Variants in RAB3GAP1 observed in about 807,000 individuals in gnomAD.
RAB3GAP1 encodes RAB3 GTPase activating protein catalytic subunit 1.
A neutral mutation model predicts 130.7 loss-of-function variants in RAB3GAP1; 86 were observed. The observed-to-expected ratio is 0.66, with a 90% CI of 0.55 to 0.79. The LOEUF (loss-of-function observed/expected upper bound fraction) is 0.79. RAB3GAP1 is among the 30% of genes least tolerant of loss of function. The pLI is 0.00. For missense variants in RAB3GAP1, 1,029 were observed against 1,169.4 expected, an observed-to-expected ratio of 0.88 and a Z score of 1.75; for synonymous variants, 367 against 401.7, an observed-to-expected ratio of 0.91 and a Z score of 1.03.
chr2:135,080,116 C>CAAAAA (rs764426198), intron 3 of RAB3GAP1, among the ~76,000 whole-genome samples: 43 of 73,276 alleles, frequency 5.9e-4, no homozygotes, highest in Non-Finnish European at 8.7e-4. Flanking sequence ...GACTCCGTCT[C>CAAAAA]AAAAAAAAAA....
intron 19 of RAB3GAP1, among the ~76,000 whole-genome samples, chr2:135,162,056 T>TA (rs1692479863): frequency 1.3e-5 from 2 of 152,176 alleles, no homozygotes; most frequent in South Asian, 4.1e-4. Flanking sequence ...GTTTTGTACA[T>TA]ACTTCTCTGT....
chr2:135,126,510 T>C, intron 10 of RAB3GAP1, 73 bp from the exon 11 acceptor site: 1 of 1,359,320 alleles, frequency 7.4e-7, no homozygotes, highest in Non-Finnish European at 1.1e-6. Flanking sequence ...TTCATTAGAC[T>C]GCATTTTAAT....
intron 3 of RAB3GAP1, among the ~76,000 whole-genome samples, chr2:135,068,538 A>G (rs1689385349): frequency 6.6e-6 from 1 of 152,084 alleles, no homozygotes; most frequent in African/African-American, 2.4e-5. Flanking sequence ...AGATCACCTG[A>G]GTTCAGGAGG....
At chr2:135,128,644 C>T (rs551976143) in intron 11 of RAB3GAP1, among the ~76,000 whole-genome samples, 1 of 152,284 alleles carries the variant, frequency 6.6e-6, no homozygotes, top group South Asian at 2.1e-4. Flanking sequence ...TACCCTACCT[C>T]TTTTAATATT....
At chr2:135,133,798 T>C in intron 14 of RAB3GAP1, 63 bp from the exon 15 acceptor site, 1 of 1,451,688 alleles carries the variant, frequency 6.9e-7, no homozygotes, top group Non-Finnish European at 9.6e-7. Context: ...TACGACCTTT[T>C]CAGTTATATG....
rs574128263 is a variant in RAB3GAP1 at position 135,094,885 on chromosome 2, T to G, written c.362+1192T>G. On this transcript the variant is annotated intron_variant, in intron 5 of 23. Transcript: ENST00000264158. ...TGTAAATGACAGGATTTCATTCTTT[T>G]TTATGGCTGAATAATATTATATTGT... is the stretch of plus-strand genomic sequence containing the variant. 1.4e-4 allele frequency among the ~76,000 whole-genome samples: 22 copies of G among 152,364 alleles called. 1 individual carries two copies. In the East Asian group the frequency reaches 4.0e-3, roughly 28 times the overall value.
intron 17 of RAB3GAP1, among the ~76,000 whole-genome samples, chr2:135,139,209 TTTAC>T (rs751499568): frequency 7.9e-5 from 12 of 152,192 alleles, no homozygotes; most frequent in Admixed American, 2.6e-4. Context: ...TGTTCATGTA[TTTAC>T]TTAATTATTG....
At chr2:135,060,210 T>G (rs1000378526) in intron 3 of RAB3GAP1, among the ~76,000 whole-genome samples, 10 of 151,878 alleles carry the variant, frequency 6.6e-5, no homozygotes, top group African/African-American at 1.9e-4. Flanking sequence ...AGTTTTTTTT[T>G]GGGTAAGATT....
chr2:135,148,598 G>A (rs1471219226), intron 17 of RAB3GAP1, among the ~76,000 whole-genome samples: 1 of 149,138 alleles, frequency 6.7e-6, no homozygotes, highest in Non-Finnish European at 1.5e-5. Flanking sequence ...GGGTTCAAGC[G>A]ATTCTCCTGC....
At chr2:135,150,828 T>C (rs1362760258) in intron 18 of RAB3GAP1, among the ~76,000 whole-genome samples, 1 of 151,964 alleles carries the variant, frequency 6.6e-6, no homozygotes, top group Non-Finnish European at 1.5e-5. Context: ...GGATTTAACA[T>C]GGGTCACTTC....
At chr2:135,148,854 A>G (rs895897361) in intron 17 of RAB3GAP1, among the ~76,000 whole-genome samples, 3 of 151,618 alleles carry the variant, frequency 2.0e-5, no homozygotes, top group Non-Finnish European at 4.4e-5. Flanking sequence ...CTGATGTCCT[A>G]GATTCTCTTT....
chr2:135,159,163 A>G (rs1287745761), intron 19 of RAB3GAP1, among the ~76,000 whole-genome samples: 1 of 152,234 alleles, frequency 6.6e-6, no homozygotes, highest in African/African-American at 2.4e-5. Flanking sequence ...TAGAAGGGAC[A>G]AATCCCCTGT....
chr2:135,117,206 T>C (rs1390931948), intron 7 of RAB3GAP1, among the ~76,000 whole-genome samples: 1 of 152,214 alleles, frequency 6.6e-6, no homozygotes, highest in Non-Finnish European at 1.5e-5. Context: ...TGTATATATG[T>C]AATTTTCTTT....
chr2:135,147,055 G>A (rs1692017554), intron 17 of RAB3GAP1, among the ~76,000 whole-genome samples: 2 of 151,778 alleles, frequency 1.3e-5, no homozygotes, highest in South Asian at 4.2e-4. Context: ...CTTCTAAAAA[G>A]TTGTTTAGGG....
At chr2:135,163,413 T>C (rs926873966) in intron 22 of RAB3GAP1, among the ~76,000 whole-genome samples, 3 of 152,206 alleles carry the variant, frequency 2.0e-5, no homozygotes, top group Non-Finnish European at 4.4e-5. Context: ...ACTGTGTTGC[T>C]CACCCTGCCC....
intron 3 of RAB3GAP1, among the ~76,000 whole-genome samples, chr2:135,072,269 T>C (rs1689496887): frequency 6.6e-6 from 1 of 152,166 alleles, no homozygotes; most frequent in Non-Finnish European, 1.5e-5. Context: ...TGTTAAGACA[T>C]AACTAGCATT....
chr2:135,081,306 C>CA lies in RAB3GAP1; in HGVS notation c.151-9670dup, dbSNP rs1169138978. 5.3e-3 allele frequency among the ~76,000 whole-genome samples: 70 copies of CA among 13,180 alleles called. 5 individuals are homozygous for CA. Among genetic ancestry groups the CA allele is most frequent in the Admixed American group, 0.017 (10 of 586 alleles). The allele number at this position is 13,180 out of a possible 152,430, so 8.6% of individuals were successfully genotyped here. ...TGGGTGACAGAGCAAGACTCCGTCTCAAAAAAAAAAAAAAAAAAAAAATAT... is the reference window on the plus strand; with the variant it reads ...TGGGTGACAGAGCAAGACTCCGTCTCAAAAAAAAAAAAAAAAAAAAAAATAT... On this transcript the variant is annotated intron_variant, in intron 3 of 23. Transcript: ENST00000264158.
chr2:135,109,796 A>T (rs1690744691), intron 5 of RAB3GAP1, among the ~76,000 whole-genome samples: 2 of 151,960 alleles, frequency 1.3e-5, no homozygotes, highest in African/African-American at 4.8e-5. Context: ...GTTAGCCAGG[A>T]TGGTCTCGAT....
At position 135,115,354 on chromosome 2, in the gene RAB3GAP1, T is replaced by C. The variant is rs1690940476; in HGVS notation, c.621T>C (p.Gly207=). The change falls in exon 7 of 24, where the codon GGT becomes GGC. Residue 207 remains glycine (G), a synonymous_variant. Coordinates refer to ENST00000264158, the MANE Select transcript of RAB3GAP1 (RefSeq NM_012233.3). ...KVPNQYTHLS[G]LLDIFKSKIG... is the part of the protein sequence containing the mutation. ...CAAATCAGTACACTCACTTATCAGG[T>C]CTGCTGGATATCTTCAAATCAAAGA... is the stretch of plus-strand genomic sequence containing the variant. The C allele has an allele frequency of 6.2e-7, 1 of 1,612,626 alleles. No homozygotes were observed. The highest frequency in any genetic ancestry group is 8.5e-7 in the Non-Finnish European group (1 of 1,178,702).
Sources: allele counts gnomAD v4.1 joint callset (sites outside exome capture counted in the v4.1 genomes callset), GRCh38; gene constraint gnomAD v4.1.1; transcripts MANE v1.5; gene names NCBI Gene and HGNC (gene_info 2026-07-23, HGNC 2026-07-21).